The following LMNA variants were observed in gnomAD, a reference collection of about 807,000 sequenced individuals.
LMNA encodes the protein lamin.
In LMNA, 20 loss-of-function variants were observed where a neutral mutation model predicts 70.4. That is an observed-to-expected ratio of 0.28 (90% confidence interval 0.20 to 0.41). LMNA has a LOEUF of 0.41. Among genes scored for constraint, LMNA ranks in the 10% least tolerant of loss-of-function variants. The pLI, the probability that LMNA is intolerant of heterozygous loss-of-function variation, is 1.00. For missense variants in LMNA, 652 were observed against 917.2 expected (o/e 0.71, Z 3.73); for synonymous variants, 339 against 372.8 (o/e 0.91, Z 1.04).
intron 1 of LMNA, chr1:156,082,718 G>C (rs1034060892): frequency 6.6e-6 from 1 of 152,244 alleles, no homozygotes; most frequent in African/African-American, 2.4e-5. Context: ...TGCGGAAACA[G>C]AGCGGGTATG....
At chr1:156,127,097 G>A (rs919542812) in intron 1 of LMNA, 2 of 641,592 alleles carry the variant, frequency 3.1e-6, no homozygotes, top group East Asian at 2.8e-5. Context: ...CCAACCCCCA[G>A]TGGAGTGGGC....
rs1651372541 is a variant in LMNA, at chr1:156,134,633, C to T, written c.639+105C>T. On this transcript the variant is annotated intron_variant, in intron 3 of 11. Coordinates refer to ENST00000368300, the MANE Select transcript of LMNA (RefSeq NM_170707.4). The surrounding 1 kb of genome is among the most constrained non-coding windows in gnomAD (Gnocchi z 5.3). ...GTGCAGAGCTCGCCTTCCTGAGTCC[C>T]TTGCCCTAGTGGACAGGGAGTTGGG... 1 of 1,572,538 alleles carries T rather than the reference C, an allele frequency of 6.4e-7. No homozygotes were observed. The highest frequency in any genetic ancestry group is 1.1e-5 in the South Asian group (1 of 89,378).
chr1:156,095,067 G>C (rs563338463), intron 3 of LMNA, among the ~76,000 whole-genome samples: 1 of 152,040 alleles, frequency 6.6e-6, no homozygotes, highest in African/African-American at 2.4e-5. Context: ...GACTACAGGC[G>C]CACGCCACCA....
In LMNA at chr1:156,135,497, T is replaced by G. The variant is rs1430669996; in HGVS notation, c.936+185T>G. Reference sequence around the variant, plus strand: ...AGTCAGATGGCCTGTGTGCTGTTTCTGTACACTCTTACCTCACCTTCACTT... The same window carrying G: ...AGTCAGATGGCCTGTGTGCTGTTTCGGTACACTCTTACCTCACCTTCACTT... On this transcript the variant is annotated intron_variant, in intron 5 of 11. Transcript: ENST00000368300. This position sits in a 1 kb window ranked among gnomAD's most constrained non-coding sequence, Gnocchi z 4.8. 9.3e-6 allele frequency: 7 copies of G among 751,644 alleles called. No individual in the cohort carries two copies. Among genetic ancestry groups the G allele is most frequent in the Non-Finnish European group, 1.6e-5 (7 of 448,182 alleles). 46.6% of individuals were successfully genotyped at this position (751,644 alleles called of 1,614,324 possible). A position where few individuals can be genotyped will look rare whatever the true frequency, so the allele number is the denominator to read the frequency against.
chr1:156,132,966 A>G (rs1229027308), intron 2 of LMNA, among the ~76,000 whole-genome samples: 4 of 150,816 alleles, frequency 2.7e-5, no homozygotes, highest in Non-Finnish European at 4.4e-5. Flanking sequence ...CAGCCTCCCG[A>G]GTAGCTGGGA....
upstream of LMNA, among the ~76,000 whole-genome samples, chr1:156,111,288 A>C (rs563194856): frequency 8.5e-5 from 13 of 152,078 alleles, no homozygotes; most frequent in African/African-American, 2.7e-4. Flanking sequence ...ATCTCTACTC[A>C]AAATACAAAA....
At chr1:156,087,156 T>A (rs1392652824) in intron 2 of LMNA, among the ~76,000 whole-genome samples, 1 of 152,140 alleles carries the variant, frequency 6.6e-6, no homozygotes, top group East Asian at 1.9e-4. Context: ...ATCTTCATAC[T>A]TCTCTCAGGA....
At chr1:156,130,175 G>C (rs889322750) in intron 1 of LMNA, among the ~76,000 whole-genome samples, 18 of 152,296 alleles carry the variant, frequency 1.2e-4, no homozygotes, top group Admixed American at 8.5e-4. Context: ...TGGGCCATGA[G>C]CTTAGTTGTC....
chr1:156,113,971 G>A (rs1649636753), upstream of LMNA, among the ~76,000 whole-genome samples: 1 of 152,128 alleles, frequency 6.6e-6, no homozygotes, highest in South Asian at 2.1e-4. Context: ...TTTCTTTAGG[G>A]GACTTCTTTA....
In LMNA at chr1:156,136,168, G is replaced by C. The variant is rs556221578; in HGVS notation, c.1158-46G>C. ...GAGGTGCTGGCAGTGTCCTCTGGCC[G>C]GCAACTGGCCTTGACTAGACCCCCA... On this transcript the variant is annotated intron_variant, in intron 6 of 11. Transcript: ENST00000368300. This position sits in a 1 kb window ranked among gnomAD's most constrained non-coding sequence, Gnocchi z 6.1. 6.2e-7 allele frequency: 1 copy of C among 1,612,450 alleles called. No individual in the cohort carries two copies. The highest frequency in any genetic ancestry group is 8.5e-7 in the Non-Finnish European group (1 of 1,179,018).
intron 3 of LMNA, among the ~76,000 whole-genome samples, chr1:156,099,867 C>CAAAAAAAAA (rs57524097): frequency 1.0e-5 from 1 of 100,268 alleles, no homozygotes; most frequent in Non-Finnish European, 2.2e-5. Context: ...GCCTGGGTGA[C>CAAAAAAAAA]AAAAAAAAAA....
chr1:156,105,830 C>T (rs1177713301), intron 3 of LMNA, among the ~76,000 whole-genome samples: 1 of 152,084 alleles, frequency 6.6e-6, no homozygotes, highest in Non-Finnish European at 1.5e-5. Context: ...TTAAAAGTCC[C>T]TTATCTGGCC....
chr1:156,085,311 G>A (rs1279498505), intron 2 of LMNA, among the ~76,000 whole-genome samples: 1 of 152,166 alleles, frequency 6.6e-6, no homozygotes, highest in East Asian at 1.9e-4. Context: ...GCTCTCTCCC[G>A]GAGGCTGGTG....
chr1:156,089,377 C>A (rs1648604181), intron 2 of LMNA, among the ~76,000 whole-genome samples: 1 of 151,734 alleles, frequency 6.6e-6, no homozygotes, highest in Admixed American at 6.6e-5. Context: ...CTCACTGCAA[C>A]CTCTGACTCC....
At chr1:156,084,329 G>T (rs1347414283) in intron 2 of LMNA, among the ~76,000 whole-genome samples, 4 of 10,796 alleles carry the variant, frequency 3.7e-4, no homozygotes, top group Admixed American at 1.3e-3. Flanking sequence ...TCAGAAGGTC[G>T]GGGGGTGGTG....
In LMNA at chr1:156,115,218, C is replaced by G. The variant is rs1202591253; in HGVS notation, c.300C>G (p.Ala100=). Residue 100 remains alanine, a synonymous_variant, in exon 1 of 12, where the codon GCC becomes GCG. Transcript: ENST00000368300. The surrounding 1 kb of genome is among the most constrained non-coding windows in gnomAD (Gnocchi z 5.8). The part of the protein sequence containing the change: ...KTLDSVAKER[A]RLQLELSKVR... ...TTGACTCAGTAGCCAAGGAGCGCGC[C>G]CGCCTGCAGCTGGAGCTGAGCAAAG... 6.2e-7 allele frequency: 1 copy of G among 1,613,394 alleles called. No individual in the cohort carries two copies. The highest frequency in any genetic ancestry group is 8.5e-7 in the Non-Finnish European group (1 of 1,179,832).
At position 156,114,875 on chromosome 1, in the gene LMNA, T is replaced by C; in HGVS notation, c.-44T>C. 7.1e-7 allele frequency: 1 copy of C among 1,403,114 alleles called. No homozygotes were observed. Among genetic ancestry groups the C allele is most frequent in the African/African-American group, 1.4e-5 (1 of 69,598 alleles). 86.9% of individuals were successfully genotyped at this position (1,403,114 alleles called of 1,614,324 possible). ...CCTTCGACCCGAGCCCCGCGCCCTT[T>C]CCGGGACCCCTGCCCCGCGGGCAGC... On this transcript the variant is annotated 5_prime_UTR_variant, in exon 1 of 12. Coordinates refer to ENST00000368300, the MANE Select transcript of LMNA (RefSeq NM_170707.4).
chr1:156,090,849 CAGGTTCAA>C (rs1648671037), intron 3 of LMNA: 1 of 152,320 alleles, frequency 6.6e-6, no homozygotes, highest in South Asian at 2.1e-4. Context: ...GAGCAGGGGA[CAGGTTCAA>C]AGAAACACAT....
rs577656990 is a variant in LMNA at position 156,131,925 on chromosome 1, T to G, written c.513+1152T>G. ...TGGCTCACGCCTATAATCCCAGCAC[T>G]TTGGGAGGCCAAGGCGGGTGGATCA... On this transcript the variant is annotated intron_variant, in intron 2 of 11. Transcript: ENST00000368300. 9.2e-5 allele frequency among the ~76,000 whole-genome samples: 14 copies of G among 152,382 alleles called. No individual in the cohort carries two copies. In the South Asian group the frequency reaches 2.5e-3, roughly 27 times the overall value.
Sources: allele counts gnomAD v4.1 joint callset (sites outside exome capture counted in the v4.1 genomes callset), GRCh38; gene constraint gnomAD v4.1.1; non-coding constraint Gnocchi (gnomAD v3.1); transcripts MANE v1.5; gene names NCBI Gene and HGNC (gene_info 2026-07-23, HGNC 2026-07-21).